The following ARHGEF4 variants were observed in gnomAD, a reference collection of about 807,000 sequenced individuals.
ARHGEF4 encodes APC-stimulated guanine nucleotide exchange factor 1.
A neutral mutation model predicts 162.0 loss-of-function variants in ARHGEF4; 119 were observed. That is an observed-to-expected ratio of 0.73 (90% CI 0.63 to 0.86). ARHGEF4 has a LOEUF of 0.86. Ranked by LOEUF, ARHGEF4 falls within the 40% of genes least tolerant of loss-of-function variation. The pLI, the probability that ARHGEF4 is intolerant of heterozygous loss-of-function variation, is 0.00. For missense variants in ARHGEF4, 2,488 were observed against 2,456.0 expected (o/e 1.01, Z -0.28); for synonymous variants, 1,014 against 979.9 (o/e 1.03, Z -0.65).
In ARHGEF4 at chr2:131,044,288, G is replaced by C. The variant is rs376991061; in HGVS notation, c.5158-11G>C. The C allele has an allele frequency of 2.2e-5, 35 of 1,610,408 alleles. No individual in the cohort carries two copies. The African/African-American group carries it at 4.0e-4, about 18-fold the overall frequency. ...GGTTCAGCAGCCAGGGCTGAGGCCA[G>C]CATCTGGCAGGACCTGCTCCGCCGC... On this transcript the variant is annotated splice_polypyrimidine_tract_variant and intron_variant, in intron 11 of 13. Coordinates refer to ENST00000409359, the MANE Select transcript of ARHGEF4 (RefSeq NM_001367493.1).
intron 5 of ARHGEF4, 57 bp from the exon 6 acceptor site, chr2:131,038,796 C>G: frequency 6.5e-7 from 1 of 1,527,980 alleles, no homozygotes; most frequent in East Asian, 2.3e-5. Context: ...AGACAGAGAG[C>G]AGGGAGGCCC....
rs1691311084 is a variant in ARHGEF4, at chr2:131,046,976, T to C, written c.*787T>C. 1 of 152,662 alleles carries C rather than the reference T, an allele frequency of 6.6e-6. No individual in the cohort carries two copies. The highest frequency in any genetic ancestry group is 1.5e-5 in the Non-Finnish European group (1 of 68,048). The allele number at this position is 152,662 out of a possible 1,614,324, so 9.5% of individuals were successfully genotyped here. A position where few individuals can be genotyped will look rare whatever the true frequency, so the allele number is the denominator to read the frequency against. On this transcript the variant is annotated 3_prime_UTR_variant, in exon 14 of 14. Transcript: ENST00000409359. ...AACAATGGAGAAAAAGAATTGATTC[T>C]TAGTGACACAGAAGATTGCCTTACG... is the stretch of plus-strand genomic sequence containing the variant.
chr2:130,869,768 G>C (rs1365045490), intron 1 of ARHGEF4, among the ~76,000 whole-genome samples: 1 of 152,242 alleles, frequency 6.6e-6, no homozygotes, highest in Non-Finnish European at 1.5e-5. Context: ...CCCTCAGCTA[G>C]GGAACGGCCG....
chr2:130,926,014 C>CTTTCTT (rs376311066), intron 2 of ARHGEF4, among the ~76,000 whole-genome samples: 20,307 of 95,644 alleles, frequency 0.21, 3,204 homozygotes, highest in Admixed American at 0.29. Flanking sequence ...TTGGTTTTCT[C>CTTTCTT]TCTTTCTTTC....
intron 1 of ARHGEF4, among the ~76,000 whole-genome samples, chr2:130,890,883 T>C (rs1387185369): frequency 1.3e-5 from 2 of 152,202 alleles, no homozygotes; most frequent in Non-Finnish European, 2.9e-5. Flanking sequence ...GTATCATGTC[T>C]CTCGAAGAGA....
intron 1 of ARHGEF4, among the ~76,000 whole-genome samples, chr2:130,894,875 T>C (rs4850128): frequency 0.31 from 46,997 of 151,954 alleles, 9,803 homozygotes; most frequent in African/African-American, 0.58. Context: ...TTAGTTTCTT[T>C]TGTGGCTCCT....
Position 130,949,455 on chromosome 2 carries a change from G to A in ARHGEF4, c.3985+2820G>A, listed in dbSNP as rs544172487. ...TGCAAACTCCACCTCCTGGGTTCAC[G>A]CCATTCTCCTGCCTCAGCCTCCCAA... is the stretch of plus-strand genomic sequence containing the variant. On this transcript the variant is annotated intron_variant, in intron 4 of 13. Transcript: ENST00000409359. Among the ~76,000 whole-genome samples the A allele has an allele frequency of 7.8e-4, 118 of 152,136 alleles. 2 individuals are homozygous for A. The highest frequency in any genetic ancestry group is 2.7e-3 in the African/African-American group (113 of 41,534).
intron 1 of ARHGEF4, among the ~76,000 whole-genome samples, chr2:130,875,808 C>T (rs567118614): frequency 2.6e-5 from 4 of 152,152 alleles, no homozygotes; most frequent in Non-Finnish European, 4.4e-5. Context: ...CCGGCTCCCA[C>T]ACTTGCTTCT....
chr2:130,895,713 A>C (rs1680112824), intron 1 of ARHGEF4, among the ~76,000 whole-genome samples: 1 of 152,106 alleles, frequency 6.6e-6, no homozygotes, highest in African/African-American at 2.4e-5. Flanking sequence ...ACTGAGTGTA[A>C]GAGTTTGTTA....
chr2:130,958,096 G>A (rs1028083627), intron 4 of ARHGEF4, among the ~76,000 whole-genome samples: 4 of 151,924 alleles, frequency 2.6e-5, no homozygotes, highest in African/African-American at 7.2e-5. Flanking sequence ...AAGTCACCCC[G>A]GCTCACCACT....
chr2:131,007,005 A>G (rs1392708791), intron 4 of ARHGEF4, among the ~76,000 whole-genome samples: 2 of 152,242 alleles, frequency 1.3e-5, no homozygotes, highest in Non-Finnish European at 2.9e-5. Flanking sequence ...AATGACATAC[A>G]TCTTCCACCA....
At chr2:130,945,307 G>T (rs971765179) in intron 3 of ARHGEF4, among the ~76,000 whole-genome samples, 2 of 152,014 alleles carry the variant, frequency 1.3e-5, no homozygotes, top group Admixed American at 6.6e-5. Flanking sequence ...AACTGTGTCT[G>T]CCTCTGAAAC....
At chr2:130,929,197 G>C (rs1682478708) in intron 2 of ARHGEF4, among the ~76,000 whole-genome samples, 1 of 152,164 alleles carries the variant, frequency 6.6e-6, no homozygotes, top group Non-Finnish European at 1.5e-5. Flanking sequence ...GAAATAACTA[G>C]CTGAAAATAG....
At chr2:130,999,398 C>G (rs1000359406) in intron 4 of ARHGEF4, among the ~76,000 whole-genome samples, 1 of 152,014 alleles carries the variant, frequency 6.6e-6, no homozygotes, top group Non-Finnish European at 1.5e-5. Context: ...CCTTGTGATC[C>G]GCCCGCCTTG....
At chr2:130,889,474 G>A (rs1679726413) in intron 1 of ARHGEF4, among the ~76,000 whole-genome samples, 1 of 151,886 alleles carries the variant, frequency 6.6e-6, no homozygotes, top group African/African-American at 2.4e-5. Context: ...ATTTGCCTTA[G>A]TGAGAGGCTA....
chr2:130,997,595 G>T (rs1687485706), intron 4 of ARHGEF4, among the ~76,000 whole-genome samples: 1 of 152,104 alleles, frequency 6.6e-6, no homozygotes, highest in African/African-American at 2.4e-5. Flanking sequence ...GCGGATTTTG[G>T]CAATAACCTT....
chr2:130,998,815 G>A (rs1425339793), intron 4 of ARHGEF4, among the ~76,000 whole-genome samples: 5 of 152,162 alleles, frequency 3.3e-5, no homozygotes, highest in South Asian at 2.1e-4. Context: ...TTTTCGACTC[G>A]TTTGGGTAAA....
chr2:130,983,355 A>G (rs1161768853), intron 4 of ARHGEF4, among the ~76,000 whole-genome samples: 2 of 152,246 alleles, frequency 1.3e-5, no homozygotes, highest in Non-Finnish European at 1.5e-5. Context: ...CATTAAACCA[A>G]TAACAGTCTG....
At chr2:131,034,876 C>T (rs1558881354) in intron 5 of ARHGEF4, 3 of 512,634 alleles carry the variant, frequency 5.9e-6, no homozygotes, top group Non-Finnish European at 7.5e-6. Flanking sequence ...CTCTCCAGCC[C>T]GCCGCCGCCG....
Sources: allele counts gnomAD v4.1 joint callset (sites outside exome capture counted in the v4.1 genomes callset), GRCh38; gene constraint gnomAD v4.1.1; transcripts MANE v1.5; gene names NCBI Gene and HGNC (gene_info 2026-07-23, HGNC 2026-07-21).